Variants in GARRE1 observed in about 807,000 individuals in gnomAD.
The protein encoded by GARRE1 is granule associated Rac and RHOG effector 1.
In GARRE1, 49 loss-of-function variants were observed where a neutral mutation model predicts 103.2. The observed-to-expected ratio is 0.47, with a 90% CI of 0.38 to 0.60. The LOEUF is 0.60. Among genes scored for constraint, GARRE1 ranks in the 20% least tolerant of loss-of-function variants. The pLI is 0.00. For missense variants in GARRE1, 1,199 were observed against 1,370.5 expected (o/e 0.87, Z 1.98); for synonymous variants, 505 against 532.8 (o/e 0.95, Z 0.72).
Position 34,347,893 on chromosome 19 carries a change from G to A in GARRE1, c.2538G>A (p.Glu846=), listed in dbSNP as rs2074219364. Residue 846 remains glutamate, a synonymous_variant, in exon 11 of 14, where the codon GAG becomes GAA. Coordinates refer to ENST00000299505, the MANE Select transcript of GARRE1 (RefSeq NM_014686.5). The part of the protein sequence containing the change: ...PFDPAVGSDP[E]FARYVAGVSQ... ...CCAATGCAGTGGGCTCAGACCCAGA[G>A]TTTGCACGCTATGTGGCAGGAGTGA... The A allele has an allele frequency of 6.4e-7, 1 of 1,568,168 alleles. No individual in the cohort carries two copies. The highest frequency in any genetic ancestry group is 1.2e-5 in the South Asian group (1 of 86,042).
chr19:34,322,526 A>G (rs926950572), intron 3 of GARRE1, among the ~76,000 whole-genome samples: 2 of 152,130 alleles, frequency 1.3e-5, no homozygotes, highest in Non-Finnish European at 2.9e-5. Context: ...AGTATGAGAA[A>G]TAAAAAATAA....
rs1440617572 is a variant in GARRE1 at position 34,355,466 on chromosome 19, A to G, written c.*2511A>G. The G allele has an allele frequency of 6.5e-6, 1 of 152,682 alleles. No homozygotes were observed. Among genetic ancestry groups the G allele is most frequent in the Admixed American group, 6.5e-5 (1 of 15,286 alleles). 9.5% of individuals were successfully genotyped at this position (152,682 alleles called of 1,614,324 possible). A position where few individuals can be genotyped will look rare whatever the true frequency, so the allele number is the denominator to read the frequency against. On this transcript the variant is annotated 3_prime_UTR_variant, in exon 14 of 14. Coordinates refer to ENST00000299505, the MANE Select transcript of GARRE1 (RefSeq NM_014686.5). ...GGCATCAGCAGGACATTGTGTGTAT[A>G]GTTACAATGCTTCCAAACTGGAACT...
Position 34,267,194 on chromosome 19 carries a change from G to C in GARRE1, c.-796+12580G>C, listed in dbSNP as rs544877561. 1.2e-4 allele frequency among the ~76,000 whole-genome samples: 19 copies of C among 152,252 alleles called. No homozygotes were observed. The South Asian group carries it at 3.3e-3, about 27-fold the overall frequency. ...GGTGGGAAGTTGCCTGAGCCCGGGAGATCAAGGCTGCAGTGAGCCGCGATC... is the reference window on the plus strand; with the variant it reads ...GGTGGGAAGTTGCCTGAGCCCGGGACATCAAGGCTGCAGTGAGCCGCGATC... On this transcript the variant is annotated intron_variant, in intron 1 of 13. Transcript: ENST00000299505.
Position 34,341,655 on chromosome 19 carries a change from C to A in GARRE1, c.1721C>A (p.Ser574Tyr). Reference sequence around the variant, plus strand: ...AAAAACATCTTCATAGCTGGATGTTCCGAAGAGAAGGCCAAAATGCCTGGC... The same window carrying A: ...AAAAACATCTTCATAGCTGGATGTTACGAAGAGAAGGCCAAAATGCCTGGC... Reference protein sequence around the residue: ...PSKNIFIAGCSEEKAKMPGNI... With the variant: ...PSKNIFIAGCYEEKAKMPGNI... Residue 574 changes from serine to tyrosine, a missense_variant, in exon 10 of 14, where the codon TCC becomes TAC. By Grantham distance (144) the Ser-to-Tyr change is moderately radical. Coordinates refer to ENST00000299505, the MANE Select transcript of GARRE1 (RefSeq NM_014686.5). 1 of 1,614,140 alleles carries A rather than the reference C, an allele frequency of 6.2e-7. No individual in the cohort carries two copies. Among genetic ancestry groups the A allele is most frequent in the Non-Finnish European group, 8.5e-7 (1 of 1,180,018 alleles).
intron 9 of GARRE1, among the ~76,000 whole-genome samples, 165 bp downstream of exon 9, chr19:34,340,157 G>A (rs1245822114): frequency 6.6e-6 from 1 of 152,098 alleles, no homozygotes; most frequent in Non-Finnish European, 1.5e-5. Context: ...CAGCAAAGTG[G>A]CAAGAATAAT....
chr19:34,333,035 G>A (rs926343714), intron 7 of GARRE1, among the ~76,000 whole-genome samples: 2 of 151,976 alleles, frequency 1.3e-5, no homozygotes, highest in African/African-American at 4.8e-5. Flanking sequence ...CTGAAGCATT[G>A]GTTTGACTTT....
chr19:34,261,190 G>A (rs2073715975), intron 1 of GARRE1, among the ~76,000 whole-genome samples: 1 of 152,224 alleles, frequency 6.6e-6, no homozygotes, highest in Non-Finnish European at 1.5e-5. Flanking sequence ...TGAGGGCTCT[G>A]CATCTAAGCT....
At chr19:34,328,748 C>T (rs1032012055) in intron 6 of GARRE1, among the ~76,000 whole-genome samples, 14 of 152,088 alleles carry the variant, frequency 9.2e-5, no homozygotes, top group Middle Eastern at 3.4e-3. Flanking sequence ...GCTGGGACTA[C>T]AAGCATGTGC....
Position 34,354,167 on chromosome 19 carries a change from G to A in GARRE1, c.*1212G>A, listed in dbSNP as rs985013897. Reference sequence around the variant, plus strand: ...TCATATTTCATCTTTGAAAAAGTCTGAGAAAAATCCATAATATTTTCTGGT... The same window carrying A: ...TCATATTTCATCTTTGAAAAAGTCTAAGAAAAATCCATAATATTTTCTGGT... On this transcript the variant is annotated 3_prime_UTR_variant, in exon 14 of 14. Coordinates refer to ENST00000299505, the MANE Select transcript of GARRE1 (RefSeq NM_014686.5). The A allele has an allele frequency of 6.6e-6, 1 of 152,346 alleles. No homozygotes were observed. Among genetic ancestry groups the A allele is most frequent in the African/African-American group, 2.4e-5 (1 of 41,396 alleles). The allele number at this position is 152,346 out of a possible 1,614,324, so 9.4% of individuals were successfully genotyped here.
chr19:34,273,249 G>A (rs1273922292), intron 1 of GARRE1, among the ~76,000 whole-genome samples: 1 of 152,186 alleles, frequency 6.6e-6, no homozygotes, highest in East Asian at 1.9e-4. Context: ...GCATAGCACA[G>A]TGCCTGGCTC....
chr19:34,304,177 G>A (rs1318235082), intron 2 of GARRE1, among the ~76,000 whole-genome samples: 1 of 151,030 alleles, frequency 6.6e-6, no homozygotes, highest in Non-Finnish European at 1.5e-5. Context: ...TGCAACCTCT[G>A]CCTCCTGGGT....
At chr19:34,290,366 G>A (rs545804039) in intron 1 of GARRE1, among the ~76,000 whole-genome samples, 125 of 151,876 alleles carry the variant, frequency 8.2e-4, no homozygotes, top group Admixed American at 1.4e-3. Flanking sequence ...AAAAAAAAAA[G>A]AAGAAAAGAA....
At chr19:34,301,078 T>C in intron 2 of GARRE1, 110 bp downstream of exon 2, 1 of 1,151,124 alleles carries the variant, frequency 8.7e-7, no homozygotes, top group Non-Finnish European at 1.2e-6. Flanking sequence ...CTTTGTCCTC[T>C]TGCTGTTGGT....
chr19:34,333,321 G>A (rs770122803), intron 7 of GARRE1, among the ~76,000 whole-genome samples: 6 of 152,168 alleles, frequency 3.9e-5, no homozygotes, highest in Non-Finnish European at 8.8e-5. Flanking sequence ...GATTACAGGC[G>A]TGAGCCACTG....
In GARRE1 at chr19:34,328,417, T is replaced by C. The variant is rs374316034; in HGVS notation, c.1104+266T>C. Among the ~76,000 whole-genome samples the C allele has an allele frequency of 1.9e-4, 28 of 151,226 alleles. No homozygotes were observed. The East Asian group carries it at 3.0e-3, about 16-fold the overall frequency. On this transcript the variant is annotated intron_variant, in intron 6 of 13. Coordinates refer to ENST00000299505, the MANE Select transcript of GARRE1 (RefSeq NM_014686.5). ...GGTGGCACGCACCTGTAGTCCCAGCTGTTCGGGAAGCTGAGGCTGGAGAAT... is the reference window on the plus strand; with the variant it reads ...GGTGGCACGCACCTGTAGTCCCAGCCGTTCGGGAAGCTGAGGCTGGAGAAT...
intron 2 of GARRE1, among the ~76,000 whole-genome samples, chr19:34,319,613 A>G (rs1037600355): frequency 6.6e-6 from 1 of 152,122 alleles, no homozygotes; most frequent in Non-Finnish European, 1.5e-5. Context: ...GTGTGAGTCC[A>G]GATATAGGGG....
chr19:34,321,547 C>G (rs992624900), intron 3 of GARRE1, among the ~76,000 whole-genome samples: 9 of 151,004 alleles, frequency 6.0e-5, no homozygotes, highest in African/African-American at 2.2e-4. Flanking sequence ...CTCCGCCTGC[C>G]GGGTTCAAAC....
chr19:34,276,268 C>T (rs2145217590), intron 1 of GARRE1, among the ~76,000 whole-genome samples: 1 of 152,254 alleles, frequency 6.6e-6, no homozygotes. Flanking sequence ...GTCTCATGCT[C>T]CTGACCTCAG....
chr19:34,306,731 A>G (rs962257866), intron 2 of GARRE1, among the ~76,000 whole-genome samples: 8 of 152,204 alleles, frequency 5.3e-5, no homozygotes, highest in African/African-American at 1.9e-4. Flanking sequence ...CACTTAAATA[A>G]AATTACTTTT....
Sources: allele counts gnomAD v4.1 joint callset (sites outside exome capture counted in the v4.1 genomes callset), GRCh38; gene constraint gnomAD v4.1.1; transcripts MANE v1.5; gene names NCBI Gene and HGNC (gene_info 2026-07-23, HGNC 2026-07-21).